Variants in DTWD2 observed in about 807,000 individuals in gnomAD.
DTWD2 encodes tRNA-uridine aminocarboxypropyltransferase 2.
In DTWD2, 39 loss-of-function variants were observed where a neutral mutation model predicts 31.8. The observed-to-expected ratio is 1.22, with a 90% CI of 0.95 to 1.60. The LOEUF (loss-of-function observed/expected upper bound fraction) is 1.60. Among genes scored for constraint, DTWD2 ranks in the 40% most tolerant of loss-of-function variants. DTWD2 has a pLI of 0.00. For synonymous variants in DTWD2, 180 were observed against 142.8 expected (o/e 1.26, Z -1.86); for missense variants, 515 against 381.5 (o/e 1.35, Z -2.92).
chr5:118,931,411 A>AG (rs1753920405), intron 3 of DTWD2, among the ~76,000 whole-genome samples: 1 of 151,864 alleles, frequency 6.6e-6, no homozygotes, highest in African/African-American at 2.4e-5. Flanking sequence ...AAAAAAAAAA[A>AG]AAAAAAAAGT....
intron 2 of DTWD2, among the ~76,000 whole-genome samples, chr5:118,942,249 C>T (rs1417062355): frequency 6.6e-6 from 1 of 152,134 alleles, no homozygotes; most frequent in Non-Finnish European, 1.5e-5. Context: ...GTGGTTCACG[C>T]CTATAGTCCC....
At chr5:118,890,059 C>T (rs1365314138) in intron 4 of DTWD2, among the ~76,000 whole-genome samples, 2 of 152,138 alleles carry the variant, frequency 1.3e-5, no homozygotes, top group African/African-American at 4.8e-5. Context: ...GTACTCAGTA[C>T]AATCAGAAGC....
intron 4 of DTWD2, among the ~76,000 whole-genome samples, chr5:118,866,868 G>T (rs572439339): frequency 1.2e-4 from 18 of 151,654 alleles, no homozygotes; most frequent in Admixed American, 7.2e-4. Context: ...AGTGAGCCAA[G>T]ATCATGCCAC....
chr5:118,924,442 C>G (rs975199965), intron 4 of DTWD2, among the ~76,000 whole-genome samples: 1 of 152,102 alleles, frequency 6.6e-6, no homozygotes, highest in African/African-American at 2.4e-5. Flanking sequence ...TAGTTTGAGT[C>G]GAAATTCTGT....
chr5:118,878,994 G>A (rs1752680319), intron 4 of DTWD2, among the ~76,000 whole-genome samples: 1 of 151,998 alleles, frequency 6.6e-6, no homozygotes. Context: ...AATAACAGAT[G>A]CTAGCAAGGT....
chr5:118,889,267 CTCAA>C (rs529689139), intron 4 of DTWD2, among the ~76,000 whole-genome samples: 107 of 152,062 alleles, frequency 7.0e-4, no homozygotes, highest in Middle Eastern at 6.8e-3. Flanking sequence ...AAGATAAGTA[CTCAA>C]TCAATAAATA....
rs1181431500 is a variant in DTWD2 at position 118,837,506 on chromosome 5, T to C, written c.*3411A>G. The C allele has an allele frequency of 1.3e-5, 2 of 152,176 alleles. No homozygotes were observed. Among genetic ancestry groups the C allele is most frequent in the Non-Finnish European group, 2.9e-5 (2 of 68,030 alleles). 9.4% of individuals were successfully genotyped at this position (152,176 alleles called of 1,614,324 possible). ...ACAACTACAGGCAAGGGTCAACAAT[T>C]TAGCTCCCTGAAATTCAGCATCCCT... On this transcript the variant is annotated 3_prime_UTR_variant, in exon 6 of 6. Coordinates refer to ENST00000510708, the MANE Select transcript of DTWD2 (RefSeq NM_173666.4).
At chr5:118,960,031 T>C (rs6894429) in intron 1 of DTWD2, among the ~76,000 whole-genome samples, 74,810 of 152,028 alleles carry the variant, frequency 0.49, 19,717 homozygotes, top group East Asian at 0.94. Flanking sequence ...GACTAGGCAC[T>C]GGCAAAGAAT....
chr5:118,927,009 C>A (rs1232692894), intron 4 of DTWD2, among the ~76,000 whole-genome samples: 2 of 152,196 alleles, frequency 1.3e-5, no homozygotes, highest in African/African-American at 4.8e-5. Context: ...TGAGAGCTCT[C>A]TTCCTGGCTT....
At chr5:118,906,738 G>A (rs1007577687) in intron 4 of DTWD2, among the ~76,000 whole-genome samples, 36 of 152,076 alleles carry the variant, frequency 2.4e-4, no homozygotes, top group African/African-American at 8.7e-4. Flanking sequence ...AATCATTTAG[G>A]GAGCAACGGA....
intron 1 of DTWD2, among the ~76,000 whole-genome samples, chr5:118,951,470 T>C (rs1488713073): frequency 6.6e-6 from 1 of 152,154 alleles, no homozygotes; most frequent in Admixed American, 6.6e-5. Flanking sequence ...AAAGAATGCC[T>C]AGACGTCAGG....
At chr5:118,916,773 T>C (rs1753588580) in intron 4 of DTWD2, among the ~76,000 whole-genome samples, 1 of 152,080 alleles carries the variant, frequency 6.6e-6, no homozygotes, top group South Asian at 2.1e-4. Flanking sequence ...TCCTCACGTA[T>C]CTAAAATGAT....
intron 4 of DTWD2, among the ~76,000 whole-genome samples, chr5:118,901,893 C>A (rs144881573): frequency 2.8e-3 from 424 of 152,258 alleles, no homozygotes; most frequent in African/African-American, 9.2e-3. Context: ...CAGGCACAAG[C>A]CACTGCATCT....
chr5:118,954,540 G>A (rs1032679446), intron 1 of DTWD2, among the ~76,000 whole-genome samples: 1 of 151,952 alleles, frequency 6.6e-6, no homozygotes, highest in South Asian at 2.1e-4. Flanking sequence ...TTTGAGACAG[G>A]TGTCACTCTG....
At chr5:118,971,346 CA>C (rs1754983883) in intron 1 of DTWD2, among the ~76,000 whole-genome samples, 1 of 151,736 alleles carries the variant, frequency 6.6e-6, no homozygotes, top group Admixed American at 6.6e-5. Context: ...TAGTTTCTGA[CA>C]AAACAGACTT....
chr5:118,926,428 T>G (rs1177613055), intron 4 of DTWD2, among the ~76,000 whole-genome samples: 1 of 152,090 alleles, frequency 6.6e-6, no homozygotes, highest in South Asian at 2.1e-4. Context: ...ACACTAAATA[T>G]TCGGTACAGT....
At chr5:118,925,729 C>T (rs1338952706) in intron 4 of DTWD2, among the ~76,000 whole-genome samples, 1 of 151,796 alleles carries the variant, frequency 6.6e-6, no homozygotes, top group Non-Finnish European at 1.5e-5. Context: ...CCTGTAGTCC[C>T]AGCTACTCAG....
chr5:118,859,527 T>C (rs1752213025), intron 4 of DTWD2, among the ~76,000 whole-genome samples: 1 of 152,234 alleles, frequency 6.6e-6, no homozygotes, highest in African/African-American at 2.4e-5. Flanking sequence ...ATCCGTTCAA[T>C]TGGCTCCTGC....
intron 4 of DTWD2, among the ~76,000 whole-genome samples, chr5:118,863,362 A>C (rs1276674624): frequency 6.6e-6 from 1 of 152,222 alleles, no homozygotes; most frequent in Non-Finnish European, 1.5e-5. Context: ...ATTCTATCTT[A>C]AATTAATTAC....
Sources: allele counts gnomAD v4.1 joint callset (sites outside exome capture counted in the v4.1 genomes callset), GRCh38; gene constraint gnomAD v4.1.1; transcripts MANE v1.5; gene names NCBI Gene and HGNC (gene_info 2026-07-23, HGNC 2026-07-21).